The following SAMTOR variants were observed in gnomAD, a reference collection of about 807,000 sequenced individuals.
The protein encoded by SAMTOR is S-adenosylmethionine sensor upstream of mTORC1.
chr7:112,892,031 G>T, the SAMTOR span, among the ~76,000 whole-genome samples: 1 of 152,170 alleles, frequency 6.6e-6, no homozygotes, highest in Non-Finnish European at 1.5e-5. Context: ...TTTAAAATTG[G>T]TCAGTCCTCT....
chr7:112,823,180 A>T, the SAMTOR span, among the ~76,000 whole-genome samples: 2 of 152,170 alleles, frequency 1.3e-5, no homozygotes, highest in African/African-American at 4.8e-5. Flanking sequence ...TGGACTGTTT[A>T]TTAGGAAAAG....
At chr7:112,834,255 A>C in the SAMTOR span, among the ~76,000 whole-genome samples, 1 of 152,200 alleles carries the variant, frequency 6.6e-6, no homozygotes, top group Non-Finnish European at 1.5e-5. Context: ...CATTTACTTA[A>C]AAAACTGTCA....
the SAMTOR span, among the ~76,000 whole-genome samples, chr7:112,822,586 T>C: frequency 6.6e-6 from 1 of 152,142 alleles, no homozygotes; most frequent in Non-Finnish European, 1.5e-5. Flanking sequence ...CTAATCATCA[T>C]TTAAATATAT....
chr7:112,830,445 T>C, the SAMTOR span, among the ~76,000 whole-genome samples: 3 of 152,188 alleles, frequency 2.0e-5, no homozygotes, highest in Non-Finnish European at 4.4e-5. Flanking sequence ...CTGGTGACTA[T>C]ACAATTCAGT....
chr7:112,886,194 T>C, the SAMTOR span, among the ~76,000 whole-genome samples: 4 of 152,094 alleles, frequency 2.6e-5, no homozygotes, highest in East Asian at 7.7e-4. Context: ...CATGTGGGGA[T>C]TATGGGAACT....
the SAMTOR span, chr7:112,939,452 C>T: frequency 1.5e-6 from 2 of 1,374,642 alleles, no homozygotes; most frequent in Non-Finnish European, 2.0e-6. Flanking sequence ...TCAGACCAGG[C>T]CCGGGAGAGC....
chr7:112,910,710 T>C, the SAMTOR span, among the ~76,000 whole-genome samples: 1 of 152,082 alleles, frequency 6.6e-6, no homozygotes, highest in Non-Finnish European at 1.5e-5. Flanking sequence ...TAATAGATAT[T>C]TTTGCAAAAA....
At chr7:112,915,195 G>A in the SAMTOR span, 59 of 1,021,530 alleles carry the variant, frequency 5.8e-5, no homozygotes, top group Admixed American at 3.5e-4. Flanking sequence ...CCGAGATCAC[G>A]CCATGCACTC....
the SAMTOR span, chr7:112,821,691 G>A: frequency 6.7e-7 from 1 of 1,485,268 alleles, no homozygotes; most frequent in South Asian, 1.4e-5. Flanking sequence ...TTTCCAATTG[G>A]TGTAAGCAAT....
the SAMTOR span, among the ~76,000 whole-genome samples, chr7:112,862,562 T>A: frequency 1.3e-5 from 2 of 152,136 alleles, no homozygotes; most frequent in Non-Finnish European, 2.9e-5. Flanking sequence ...AGCTTTACAA[T>A]CTAATACAAT....
the SAMTOR span, among the ~76,000 whole-genome samples, chr7:112,868,292 A>C: frequency 7.9e-5 from 12 of 152,318 alleles, no homozygotes; most frequent in African/African-American, 2.6e-4. Context: ...GTGCGTAAAG[A>C]TCAATATGTA....
the SAMTOR span, among the ~76,000 whole-genome samples, chr7:112,855,248 A>T: frequency 6.6e-6 from 1 of 152,350 alleles, no homozygotes; most frequent in Non-Finnish European, 1.5e-5. Flanking sequence ...AGATTAATAT[A>T]CAATGGAAAT....
chr7:112,849,006 G>A, the SAMTOR span, among the ~76,000 whole-genome samples: 1 of 149,724 alleles, frequency 6.7e-6, no homozygotes, highest in African/African-American at 2.5e-5. Flanking sequence ...CCAAGATTGT[G>A]CCACTGCACT....
the SAMTOR span, among the ~76,000 whole-genome samples, chr7:112,912,828 A>G: frequency 1.3e-5 from 2 of 152,150 alleles, no homozygotes; most frequent in African/African-American, 4.8e-5. Flanking sequence ...AATCCAAGGA[A>G]AAAGGAAGAA....
At chr7:112,882,594 C>T in the SAMTOR span, among the ~76,000 whole-genome samples, 1 of 151,858 alleles carries the variant, frequency 6.6e-6, no homozygotes, top group African/African-American at 2.4e-5. Context: ...GAGGCTGAGG[C>T]AGGAGAATAG....
At chr7:112,895,227 CTAT>C in the SAMTOR span, among the ~76,000 whole-genome samples, 3 of 150,792 alleles carry the variant, frequency 2.0e-5, no homozygotes, top group East Asian at 5.8e-4. Context: ...CTATATAATA[CTAT>C]TATATAACAA....
chr7:112,882,750 C>T, the SAMTOR span, among the ~76,000 whole-genome samples: 1 of 131,278 alleles, frequency 7.6e-6, no homozygotes, highest in African/African-American at 2.9e-5. Context: ...TCCTTTACTA[C>T]TGTAACATCT....
the SAMTOR span, among the ~76,000 whole-genome samples, chr7:112,859,305 A>G: frequency 6.6e-6 from 1 of 152,208 alleles, no homozygotes; most frequent in African/African-American, 2.4e-5. Context: ...TGGTCTCATA[A>G]ACATAATGGA....
the SAMTOR span, among the ~76,000 whole-genome samples, chr7:112,843,538 C>G: frequency 6.6e-6 from 1 of 151,868 alleles, no homozygotes; most frequent in African/African-American, 2.4e-5. Flanking sequence ...AACTAGAAAA[C>G]TAGAAGAGAC....
Sources: allele counts gnomAD v4.1 joint callset (sites outside exome capture counted in the v4.1 genomes callset), GRCh38; gene constraint gnomAD v4.1.1; transcripts MANE v1.5; gene names NCBI Gene and HGNC (gene_info 2026-07-23, HGNC 2026-07-21).